Variants in P3H2 observed in about 807,000 individuals in gnomAD.
The protein encoded by P3H2 is leprecan-like 1.
A neutral mutation model predicts 87.0 loss-of-function variants in P3H2; 80 were observed. That is an observed-to-expected ratio of 0.92 (90% CI 0.77 to 1.11). The LOEUF is 1.11. P3H2 is among the 50% of genes least tolerant of loss of function. P3H2 has a pLI of 0.00. For synonymous variants in P3H2, 367 were observed against 359.3 expected, an observed-to-expected ratio of 1.02 and a Z score of -0.24; for missense variants, 1,001 against 923.9, an observed-to-expected ratio of 1.08 and a Z score of -1.08.
intron 8 of P3H2, 70 bp from the exon 9 acceptor site, chr3:189,974,755 A>G: frequency 6.3e-7 from 1 of 1,587,994 alleles, no homozygotes. Flanking sequence ...AATACCAAAC[A>G]GCTTTCAATG....
In P3H2 at chr3:189,983,146, C is replaced by A. The variant is rs777917969; in HGVS notation, c.1230-6G>T. 6.2e-7 allele frequency: 1 copy of A among 1,611,172 alleles called. No homozygotes were observed. Among genetic ancestry groups the A allele is most frequent in the African/African-American group, 1.3e-5 (1 of 74,830 alleles). ...CGTTCACTCCTGAAGGGACCCTGCC[C>A]ATTCAAAAAATTTAAAATGGCAATT... On this transcript the variant is annotated splice_region_variant and splice_polypyrimidine_tract_variant and intron_variant, in intron 7 of 14. Transcript: ENST00000319332.
intron 9 of P3H2, 131 bp from the exon 10 acceptor site, chr3:189,974,135 G>C: frequency 1.3e-6 from 1 of 763,038 alleles, no homozygotes; most frequent in Non-Finnish European, 2.4e-6. Context: ...ATTCCAGGAT[G>C]CTGGTATAAC....
intron 1 of P3H2, among the ~76,000 whole-genome samples, chr3:190,022,135 A>T (rs1014542232): frequency 2.2e-5 from 3 of 135,726 alleles, no homozygotes; most frequent in African/African-American, 7.6e-5. Context: ...AATAACTGAG[A>T]AACAAATTTT....
chr3:190,102,037 T>C (rs866775225), intron 1 of P3H2, among the ~76,000 whole-genome samples: 2 of 152,306 alleles, frequency 1.3e-5, no homozygotes, highest in South Asian at 4.1e-4. Context: ...CTGTTTACAG[T>C]ATGGTTTACT....
chr3:190,098,561 T>C (rs1326857050), intron 1 of P3H2, among the ~76,000 whole-genome samples: 1 of 152,200 alleles, frequency 6.6e-6, no homozygotes, highest in Non-Finnish European at 1.5e-5. Context: ...AGTGCCTAAC[T>C]TGTATTCACT....
intron 13 of P3H2, chr3:189,969,547 GC>G: frequency 8.0e-7 from 1 of 1,247,644 alleles, no homozygotes; most frequent in Non-Finnish European, 1.2e-6. Flanking sequence ...TGACAATATC[GC>G]CAGGTTGAAT....
intron 14 of P3H2, among the ~76,000 whole-genome samples, chr3:189,962,955 G>C (rs544573369): frequency 6.6e-6 from 1 of 152,224 alleles, no homozygotes; most frequent in South Asian, 2.1e-4. Flanking sequence ...AGGTCATCCA[G>C]TTAAGCCTCT....
Position 190,120,369 on chromosome 3 carries a change from G to T in P3H2, c.363C>A (p.Arg121=), listed in dbSNP as rs1013521621. 1.3e-6 allele frequency: 2 copies of T among 1,554,022 alleles called. No individual in the cohort carries two copies. Among genetic ancestry groups the T allele is most frequent in the South Asian group, 1.2e-5 (1 of 85,162 alleles). The part of the protein sequence containing the change: ...RSLLGRARCY[R]SCETQRLGGP... ...CCCCGAGGCGCTGGGTCTCACAGCT[G>T]CGATAACAGCGCGCCCGCCCCAACA... Residue 121 remains arginine, a synonymous_variant, in exon 1 of 15, where the codon CGC becomes CGA. Transcript: ENST00000319332.
At chr3:190,091,103 GT>G (rs955225821) in intron 1 of P3H2, among the ~76,000 whole-genome samples, 1 of 152,152 alleles carries the variant, frequency 6.6e-6, no homozygotes, top group African/African-American at 2.4e-5. Context: ...ATCAAAGCTA[GT>G]TTTTTATTGT....
chr3:190,037,205 C>T (rs184142881), intron 1 of P3H2, among the ~76,000 whole-genome samples: 2 of 152,104 alleles, frequency 1.3e-5, no homozygotes, highest in East Asian at 3.9e-4. Context: ...GAAAGGAGAG[C>T]ATTAAGGTGT....
At chr3:190,117,042 C>T (rs1390431494) in intron 1 of P3H2, among the ~76,000 whole-genome samples, 3 of 152,176 alleles carry the variant, frequency 2.0e-5, no homozygotes, top group Non-Finnish European at 4.4e-5. Context: ...TCTCTGGGAC[C>T]TGATGTGAAC....
chr3:190,036,142 T>C (rs540654333), intron 1 of P3H2, among the ~76,000 whole-genome samples: 1 of 152,322 alleles, frequency 6.6e-6, no homozygotes, highest in Non-Finnish European at 1.5e-5. Flanking sequence ...CCCACTTCTG[T>C]TGTTCTCTAA....
chr3:190,067,020 T>G (rs1362292751), intron 1 of P3H2, among the ~76,000 whole-genome samples: 2 of 151,480 alleles, frequency 1.3e-5, no homozygotes, highest in Non-Finnish European at 2.9e-5. Flanking sequence ...TCTTTTTTTT[T>G]TTTTTGTAGA....
chr3:189,976,179 C>A (rs1464893018), intron 8 of P3H2, among the ~76,000 whole-genome samples: 3 of 152,158 alleles, frequency 2.0e-5, no homozygotes, highest in African/African-American at 7.2e-5. Context: ...TGTGTAATTA[C>A]TATTCTACCA....
intron 1 of P3H2, among the ~76,000 whole-genome samples, chr3:190,044,916 T>C (rs999523034): frequency 6.6e-5 from 10 of 152,182 alleles, no homozygotes; most frequent in African/African-American, 1.9e-4. Context: ...AAGATTAATA[T>C]AGATACAACT....
chr3:190,046,957 C>T (rs1294796490), intron 1 of P3H2, among the ~76,000 whole-genome samples: 1 of 151,968 alleles, frequency 6.6e-6, no homozygotes, highest in Non-Finnish European at 1.5e-5. Flanking sequence ...AGATAACCTA[C>T]AGAATGGGAG....
At chr3:189,967,508 T>A (rs1325621059) in intron 13 of P3H2, among the ~76,000 whole-genome samples, 1 of 149,672 alleles carries the variant, frequency 6.7e-6, no homozygotes, top group African/African-American at 2.5e-5. Flanking sequence ...TGACTTTCTT[T>A]GAAACTGCGA....
chr3:190,067,387 G>C (rs949993707), intron 1 of P3H2, among the ~76,000 whole-genome samples: 12 of 152,130 alleles, frequency 7.9e-5, no homozygotes, highest in South Asian at 2.1e-4. Flanking sequence ...CAGAAGCAAA[G>C]AGACAAATCC....
intron 1 of P3H2, among the ~76,000 whole-genome samples, chr3:190,011,272 C>CAAA (rs35396025): frequency 4.7e-5 from 5 of 107,204 alleles, no homozygotes; most frequent in African/African-American, 7.2e-5. Flanking sequence ...ACTCCATCTC[C>CAAA]AAAAAAAAAA....
Sources: allele counts gnomAD v4.1 joint callset (sites outside exome capture counted in the v4.1 genomes callset), GRCh38; gene constraint gnomAD v4.1.1; transcripts MANE v1.5; gene names NCBI Gene and HGNC (gene_info 2026-07-23, HGNC 2026-07-21).